The following MBP variants were observed in gnomAD, a reference collection of about 807,000 sequenced individuals.
MBP encodes Golli-MBP.
MBP carries 16 observed loss-of-function variants against 35.8 expected under a neutral mutation model. The ratio of observed to expected loss-of-function variants is 0.45; its 90% confidence interval spans 0.30 to 0.68. The LOEUF is 0.68. Ranked by LOEUF, MBP falls within the 30% of genes least tolerant of loss-of-function variation. MBP has a pLI of 0.08. For missense variants in MBP, 380 were observed against 404.7 expected, an observed-to-expected ratio of 0.94 and a Z score of 0.52; for synonymous variants, 143 against 159.6, an observed-to-expected ratio of 0.90 and a Z score of 0.78.
rs945676483 is a variant in MBP at position 76,989,536 on chromosome 18, C to T, written c.681+420G>A. ...TGCACGCTGTGGGTTTGGACAAGTG[C>T]GTGGTCTTCAGTCACCATGGCAGCC... On this transcript the variant is annotated intron_variant, in intron 5 of 8. Coordinates refer to ENST00000355994, the MANE Select transcript of MBP (RefSeq NM_001025101.2). This position sits in a 1 kb window ranked among gnomAD's most constrained non-coding sequence, Gnocchi z 4.0. Among the ~76,000 whole-genome samples the T allele has an allele frequency of 4.6e-5, 7 of 152,102 alleles. No individual in the cohort carries two copies. Among genetic ancestry groups the T allele is most frequent in the Admixed American group, 2.0e-4 (3 of 15,278 alleles).
chr18:77,072,036 C>CA (rs1331088748), intron 2 of MBP, among the ~76,000 whole-genome samples: 2 of 152,160 alleles, frequency 1.3e-5, no homozygotes, highest in Non-Finnish European at 2.9e-5. Flanking sequence ...ACAAAACAAA[C>CA]AAAAAAGCCC....
chr18:77,104,747 A>G (rs960358566), intron 2 of MBP, among the ~76,000 whole-genome samples: 3 of 152,064 alleles, frequency 2.0e-5, no homozygotes, highest in Non-Finnish European at 4.4e-5. Context: ...AAAAAAAATC[A>G]AAAGTATTTT....
At chr18:77,037,166 A>G (rs545701265) in intron 3 of MBP, among the ~76,000 whole-genome samples, 133 of 139,190 alleles carry the variant, frequency 9.6e-4, no homozygotes, top group Middle Eastern at 4.9e-3. Context: ...TTTTGGAGAC[A>G]GAGCTGAGCA....
chr18:77,064,706 AAAG>A (rs1265515451), intron 3 of MBP, among the ~76,000 whole-genome samples: 4 of 152,244 alleles, frequency 2.6e-5, no homozygotes, highest in African/African-American at 7.2e-5. Flanking sequence ...GCTGAAATAT[AAAG>A]AAAGGCCTTT....
At chr18:77,067,830 C>A (rs1289518077) in intron 2 of MBP, 2 of 513,694 alleles carry the variant, frequency 3.9e-6, no homozygotes, top group Admixed American at 2.0e-5. Context: ...TCTTTTCCTT[C>A]TGGAGAGAGG....
At chr18:77,038,815 A>G (rs953063710) in intron 3 of MBP, among the ~76,000 whole-genome samples, 8 of 152,198 alleles carry the variant, frequency 5.3e-5, no homozygotes, top group African/African-American at 1.7e-4. Context: ...TTTTTATGTA[A>G]TATTTTAAAA....
Position 76,979,981 on chromosome 18 carries a change from T to C in MBP, c.*446A>G, listed in dbSNP as rs1428393296. ...GACAGGAAAAAAAAACAAAGGAAGC[T>C]TGGATGTCAACAGTCCTCTCTGCCG... On this transcript the variant is annotated 3_prime_UTR_variant, in exon 9 of 9. Coordinates refer to ENST00000355994, the MANE Select transcript of MBP (RefSeq NM_001025101.2). 2 of 702,440 alleles carry C rather than the reference T, an allele frequency of 2.8e-6. No individual in the cohort carries two copies. Among genetic ancestry groups the C allele is most frequent in the Admixed American group, 2.0e-5 (1 of 50,006 alleles). 43.5% of individuals were successfully genotyped at this position (702,440 alleles called of 1,614,324 possible).
At chr18:77,098,099 G>A (rs1254398445) in intron 2 of MBP, among the ~76,000 whole-genome samples, 1 of 148,632 alleles carries the variant, frequency 6.7e-6, no homozygotes, top group Non-Finnish European at 1.5e-5. Context: ...TGCTCTGAGT[G>A]TGCTTTTGTA....
At chr18:76,987,005 A>C (rs1178562586) in intron 7 of MBP, 2 of 985,324 alleles carry the variant, frequency 2.0e-6, no homozygotes, top group Non-Finnish European at 2.4e-6. Context: ...ACAAGCAGAC[A>C]AAATGCAGAG....
chr18:77,086,962 C>T (rs534755723), intron 2 of MBP, among the ~76,000 whole-genome samples: 15 of 152,234 alleles, frequency 9.9e-5, no homozygotes, highest in South Asian at 4.1e-4. Context: ...TTTAAAAAGA[C>T]TAAAATTGCC....
Position 77,044,372 on chromosome 18 carries a change from C to A in MBP, c.139+21926G>T, listed in dbSNP as rs1049681637. Among the ~76,000 whole-genome samples, 1 of 152,060 alleles carries A rather than the reference C, an allele frequency of 6.6e-6. No individual in the cohort carries two copies. Reference sequence around the variant, plus strand: ...CCTCCCCCAACTCTGCTGCAGCTGCCGTGGTGCCAGCCCCCTGCCCCTCTC... The same window carrying A: ...CCTCCCCCAACTCTGCTGCAGCTGCAGTGGTGCCAGCCCCCTGCCCCTCTC... On this transcript the variant is annotated intron_variant, in intron 3 of 8. Coordinates refer to ENST00000355994, the MANE Select transcript of MBP (RefSeq NM_001025101.2). This position sits in a 1 kb window ranked among gnomAD's most constrained non-coding sequence, Gnocchi z 4.4.
At chr18:77,062,206 C>T (rs544648641) in intron 3 of MBP, among the ~76,000 whole-genome samples, 4 of 152,322 alleles carry the variant, frequency 2.6e-5, no homozygotes, top group African/African-American at 7.2e-5. Flanking sequence ...CCTAAGACTT[C>T]GCTCACCTCA....
intron 1 of MBP, among the ~76,000 whole-genome samples, chr18:77,119,028 A>G (rs1316435426): frequency 1.2e-5 from 1 of 84,600 alleles, no homozygotes; most frequent in East Asian, 3.7e-4. Flanking sequence ...TGCCCGGCAG[A>G]CACACTTTCC....
At chr18:77,114,342 A>T (rs1467346038) in intron 1 of MBP, 1 of 152,244 alleles carries the variant, frequency 6.6e-6, no homozygotes, top group African/African-American at 2.4e-5. Flanking sequence ...GAAAGCCATT[A>T]TCAGAATCAA....
rs570229140 is a variant in MBP, at chr18:77,082,077, C to T, written c.52-15692G>A. ...CTGTGTTAGCCGGGATGGTTTCGAT[C>T]TCCTGACCTTGTGATCCGCCCGCCT... is the stretch of plus-strand genomic sequence containing the variant. On this transcript the variant is annotated intron_variant, in intron 2 of 8. Transcript: ENST00000355994. Among the ~76,000 whole-genome samples, 94 of 151,914 alleles carry T rather than the reference C, an allele frequency of 6.2e-4. 1 individual carries two copies. The highest frequency in any genetic ancestry group is 5.2e-3 in the Admixed American group (79 of 15,266).
intron 4 of MBP, among the ~76,000 whole-genome samples, chr18:76,996,119 A>G (rs137927668): frequency 1.8e-3 from 279 of 152,334 alleles, no homozygotes; most frequent in Middle Eastern, 0.01. Flanking sequence ...TCAGGAAAAC[A>G]CAAATCAAAA....
At chr18:77,008,520 T>A (rs1316725675) in intron 4 of MBP, among the ~76,000 whole-genome samples, 1 of 151,864 alleles carries the variant, frequency 6.6e-6, no homozygotes, top group African/African-American at 2.4e-5. Context: ...CCCCTCAGGG[T>A]GCATGGTTGC....
Position 76,980,165 on chromosome 18 carries a change from G to T in MBP, c.*262C>A. 1.6e-6 allele frequency: 1 copy of T among 641,996 alleles called. No homozygotes were observed. The highest frequency in any genetic ancestry group is 2.8e-6 in the Non-Finnish European group (1 of 358,042). 39.8% of individuals were successfully genotyped at this position (641,996 alleles called of 1,614,324 possible). A position where few individuals can be genotyped will look rare whatever the true frequency, so the allele number is the denominator to read the frequency against. On this transcript the variant is annotated 3_prime_UTR_variant, in exon 9 of 9. Coordinates refer to ENST00000355994, the MANE Select transcript of MBP (RefSeq NM_001025101.2). The stretch of plus-strand genomic sequence containing the variant: ...GCCCCCTGAAGACCCACGTGCGTCT[G>T]GGGGCACATTGCGGGGGAAGGAACG...
At chr18:77,060,146 C>T (rs1274153391) in intron 3 of MBP, among the ~76,000 whole-genome samples, 1 of 152,162 alleles carries the variant, frequency 6.6e-6, no homozygotes, top group African/African-American at 2.4e-5. Context: ...TGGCTGGCCC[C>T]GCCATTTCTC....
Sources: gnomAD v4.1 joint callset for allele counts (sites outside exome capture counted in the v4.1 genomes callset) on GRCh38, gnomAD v4.1.1 for gene constraint, Gnocchi (gnomAD v3.1) non-coding constraint, MANE v1.5 for transcripts, NCBI Gene and HGNC (gene_info 2026-07-23, HGNC 2026-07-21) for gene names.